Variants in FOXN2 observed in about 807,000 individuals in gnomAD.
The protein encoded by FOXN2 is forkhead box protein N2.
A neutral mutation model predicts 41.2 loss-of-function variants in FOXN2; 19 were observed. The observed-to-expected ratio is 0.46, with a 90% CI of 0.32 to 0.68. FOXN2 has a LOEUF of 0.68. Ranked by LOEUF, FOXN2 falls within the 30% of genes least tolerant of loss-of-function variation. FOXN2 has a pLI of 0.03. For synonymous variants in FOXN2, 195 were observed against 176.8 expected (o/e 1.10, Z -0.82); for missense variants, 587 against 509.4 (o/e 1.15, Z -1.47).
At chr2:48,348,282 A>G (rs951478137) in intron 3 of FOXN2, among the ~76,000 whole-genome samples, 10 of 152,116 alleles carry the variant, frequency 6.6e-5, no homozygotes, top group African/African-American at 2.2e-4. Context: ...TGATTTTTCT[A>G]TAGGTTCACC....
rs1572789609 is a variant in FOXN2, at chr2:48,376,707, A to T, written c.*1264A>T. On this transcript the variant is annotated 3_prime_UTR_variant, in exon 7 of 7. Coordinates refer to ENST00000340553, the MANE Select transcript of FOXN2 (RefSeq NM_002158.4). ...CTGCTTATATGAGACAGTTTTTCAT[A>T]GTATCATTTGTATAATTTGATTAGA... 1 of 152,538 alleles carries T rather than the reference A, an allele frequency of 6.6e-6. No individual in the cohort carries two copies. The highest frequency in any genetic ancestry group is 1.9e-4 in the East Asian group (1 of 5,200). 9.4% of individuals were successfully genotyped at this position (152,538 alleles called of 1,614,324 possible).
chr2:48,327,419 AG>A, intron 1 of FOXN2, among the ~76,000 whole-genome samples: 1 of 152,018 alleles, frequency 6.6e-6, no homozygotes, highest in South Asian at 2.1e-4. Context: ...TATTTTAGAA[AG>A]TATTACTTTC....
intron 1 of FOXN2, among the ~76,000 whole-genome samples, chr2:48,322,586 C>CT (rs1274693235): frequency 1.6e-4 from 24 of 151,894 alleles, no homozygotes; most frequent in Non-Finnish European, 3.2e-4. Context: ...TTCTGTTTCT[C>CT]TAAGATTTTA....
At chr2:48,339,372 T>C (rs963659916) in intron 2 of FOXN2, among the ~76,000 whole-genome samples, 5 of 152,176 alleles carry the variant, frequency 3.3e-5, no homozygotes, top group South Asian at 4.1e-4. Context: ...TAGTGAGTTC[T>C]CACAAGATCT....
chr2:48,343,782 G>C (rs1670919942), intron 2 of FOXN2, among the ~76,000 whole-genome samples: 1 of 151,162 alleles, frequency 6.6e-6, no homozygotes, highest in Non-Finnish European at 1.5e-5. Flanking sequence ...AAAGACTCTT[G>C]CCTCCTCATG....
intron 5 of FOXN2, among the ~76,000 whole-genome samples, chr2:48,367,189 A>G (rs1672588819): frequency 6.6e-6 from 1 of 152,208 alleles, no homozygotes; most frequent in Middle Eastern, 3.2e-3. Context: ...TTACACTGAG[A>G]TAGCAGAACG....
chr2:48,326,403 G>T (rs1182666907), intron 1 of FOXN2, among the ~76,000 whole-genome samples: 2 of 152,082 alleles, frequency 1.3e-5, no homozygotes, highest in African/African-American at 2.4e-5. Context: ...TTGACCTAAG[G>T]GTCCCCTTGA....
intron 3 of FOXN2, among the ~76,000 whole-genome samples, chr2:48,352,948 T>C (rs1490874618): frequency 6.6e-6 from 1 of 152,170 alleles, no homozygotes; most frequent in Non-Finnish European, 1.5e-5. Flanking sequence ...TTTTAGTTTC[T>C]ACCATAACAT....
chr2:48,343,705 A>G (rs960909077), intron 2 of FOXN2, among the ~76,000 whole-genome samples: 4 of 151,946 alleles, frequency 2.6e-5, no homozygotes, highest in African/African-American at 9.7e-5. Flanking sequence ...GTTACAGTGA[A>G]CCATGATATC....
chr2:48,359,270 A>ATTTAGTT (rs137947879), intron 4 of FOXN2, 123 bp downstream of exon 4: 16 of 689,506 alleles, frequency 2.3e-5, no homozygotes, highest in Non-Finnish European at 3.5e-5. Context: ...TTTATGTTTT[A>ATTTAGTT]TTTAGTTTTT....
intron 3 of FOXN2, among the ~76,000 whole-genome samples, chr2:48,352,281 A>T (rs572494042): frequency 7.2e-5 from 11 of 152,336 alleles, no homozygotes; most frequent in African/African-American, 2.2e-4. Flanking sequence ...CTTTGTAATC[A>T]TTGCCCTCCT....
intron 3 of FOXN2, among the ~76,000 whole-genome samples, chr2:48,358,036 T>TA (rs1558633564): frequency 1.3e-5 from 2 of 152,170 alleles, no homozygotes; most frequent in Admixed American, 6.5e-5. Context: ...GCCAGCATAG[T>TA]AAAAAACTGC....
intron 5 of FOXN2, 27 bp from the exon 6 acceptor site, chr2:48,373,265 T>G: frequency 5.3e-6 from 8 of 1,502,806 alleles, no homozygotes; most frequent in Non-Finnish European, 7.3e-6. Flanking sequence ...TAAAGAACAT[T>G]AATATTATTA....
Position 48,362,669 on chromosome 2 carries a change from G to A in FOXN2, c.665G>A (p.Ser222Asn), listed in dbSNP as rs1367080524. ...QNGSLSPHYLSSVIKQNQVRN... is the reference protein window; with the variant it reads ...QNGSLSPHYLNSVIKQNQVRN... The stretch of plus-strand genomic sequence containing the variant: ...GGTTCTTTATCACCTCACTATTTAA[G>A]CTCTGTAATCAAGCAGAACCAGGTG... The change falls in exon 5 of 7, where the codon AGC (serine) becomes AAC (asparagine). Residue 222 changes from serine (S) to asparagine (N), a missense_variant. Ser to Asn is a conservative substitution (Grantham distance 46). Transcript: ENST00000340553. The A allele has an allele frequency of 3.1e-6, 5 of 1,613,874 alleles. No individual in the cohort carries two copies. Among genetic ancestry groups the A allele is most frequent in the Non-Finnish European group, 4.2e-6 (5 of 1,179,966 alleles).
intron 5 of FOXN2, 100 bp from the exon 6 acceptor site, chr2:48,373,192 A>G: frequency 1.3e-6 from 1 of 788,784 alleles, no homozygotes; most frequent in Non-Finnish European, 2.1e-6. Context: ...TAGAATATAC[A>G]CCAAAATTGT....
At chr2:48,343,944 T>C (rs960691279) in intron 2 of FOXN2, among the ~76,000 whole-genome samples, 1 of 152,122 alleles carries the variant, frequency 6.6e-6, no homozygotes, top group African/African-American at 2.4e-5. Context: ...CTTTCTAATT[T>C]CTAGATGTAA....
At chr2:48,315,819 C>T (rs1668874048) in intron 1 of FOXN2, among the ~76,000 whole-genome samples, 1 of 152,208 alleles carries the variant, frequency 6.6e-6, no homozygotes, top group Non-Finnish European at 1.5e-5. Context: ...AGTGTTCTTG[C>T]ACTGGATTTC....
At chr2:48,329,555 G>A (rs1196992704) in intron 2 of FOXN2, among the ~76,000 whole-genome samples, 3 of 151,980 alleles carry the variant, frequency 2.0e-5, no homozygotes, top group Non-Finnish European at 2.9e-5. Flanking sequence ...TTTTTGTTTA[G>A]AGACAATGGA....
intron 2 of FOXN2, among the ~76,000 whole-genome samples, chr2:48,330,392 C>G (rs905150697): frequency 3.3e-5 from 5 of 152,182 alleles, no homozygotes; most frequent in Admixed American, 1.3e-4. Context: ...TGCTATGCAG[C>G]TTCCATAAAA....
Sources: allele counts gnomAD v4.1 joint callset (sites outside exome capture counted in the v4.1 genomes callset), GRCh38; gene constraint gnomAD v4.1.1; transcripts MANE v1.5; gene names NCBI Gene and HGNC (gene_info 2026-07-23, HGNC 2026-07-21).